Variants in DLG2 observed in about 807,000 individuals in gnomAD.
DLG2 encodes discs large MAGUK scaffold protein 2.
In DLG2, 45 loss-of-function variants were observed where a neutral mutation model predicts 132.5. That is an observed-to-expected ratio of 0.34 (90% CI 0.27 to 0.44). DLG2 has a LOEUF of 0.44. DLG2 is among the 20% of genes least tolerant of loss of function. The pLI is 1.00. For missense variants in DLG2, 1,045 were observed against 1,196.9 expected, an observed-to-expected ratio of 0.87 and a Z score of 1.87; for synonymous variants, 424 against 419.6, an observed-to-expected ratio of 1.01 and a Z score of -0.13.
At chr11:84,710,846 A>G (rs981708795) in intron 6 of DLG2, among the ~76,000 whole-genome samples, 2 of 151,294 alleles carry the variant, frequency 1.3e-5, no homozygotes, top group Admixed American at 6.6e-5. Context: ...CAAAAATATT[A>G]CCTTATTTAT....
Position 84,178,043 on chromosome 11 carries a change from G to A in DLG2, c.574-14532C>T, listed in dbSNP as rs182779194. 1.9e-3 allele frequency among the ~76,000 whole-genome samples: 286 copies of A among 152,006 alleles called. 2 individuals carry two copies. The highest frequency in any genetic ancestry group is 6.7e-3 in the African/African-American group (280 of 41,484). On this transcript the variant is annotated intron_variant, in intron 8 of 27. Coordinates refer to ENST00000376104, the MANE Select transcript of DLG2 (RefSeq NM_001142699.3). Reference sequence around the variant, plus strand: ...GCTGAATGTTAGTTAACAACTGTGAGAGCCTGTGTTATTCCAGTCTGGGGC... The same window carrying A: ...GCTGAATGTTAGTTAACAACTGTGAAAGCCTGTGTTATTCCAGTCTGGGGC...
chr11:83,749,234 T>A (rs2093141669), intron 18 of DLG2, among the ~76,000 whole-genome samples: 1 of 152,172 alleles, frequency 6.6e-6, no homozygotes, highest in South Asian at 2.1e-4. Context: ...AGAGGCAACC[T>A]TTTTGCCTTT....
intron 7 of DLG2, among the ~76,000 whole-genome samples, chr11:84,381,378 T>G (rs2098748692): frequency 2.0e-5 from 3 of 152,096 alleles, no homozygotes; most frequent in African/African-American, 7.2e-5. Flanking sequence ...AATTTCAGAA[T>G]AGTATAATGT....
chr11:84,090,966 G>C (rs1278037103), intron 10 of DLG2, among the ~76,000 whole-genome samples: 1 of 152,090 alleles, frequency 6.6e-6, no homozygotes, highest in African/African-American at 2.4e-5. Flanking sequence ...GTTAAGCGAA[G>C]TTAAACAAAA....
intron 3 of DLG2, among the ~76,000 whole-genome samples, chr11:85,481,707 G>A (rs1268240397): frequency 6.6e-6 from 1 of 152,030 alleles, no homozygotes; most frequent in African/African-American, 2.4e-5. Flanking sequence ...ACTGCCCCCA[G>A]CATCAGGCTA....
intron 17 of DLG2, among the ~76,000 whole-genome samples, chr11:83,812,444 A>G (rs1161814787): frequency 1.3e-5 from 2 of 152,128 alleles, no homozygotes; most frequent in Admixed American, 6.6e-5. Context: ...ACTGAAATCA[A>G]TAAAAATAAG....
At chr11:83,763,574 T>G (rs979006915) in intron 18 of DLG2, among the ~76,000 whole-genome samples, 1 of 152,170 alleles carries the variant, frequency 6.6e-6, no homozygotes, top group Non-Finnish European at 1.5e-5. Context: ...ACCATGTGAG[T>G]TGCAAGGAAA....
At position 85,154,727 on chromosome 11, in the gene DLG2, A is replaced by G; in HGVS notation, c.187-76T>C. 3 of 712,770 alleles carry G rather than the reference A, an allele frequency of 4.2e-6. No homozygotes were observed. In the East Asian group the frequency reaches 8.4e-5, roughly 20 times the overall value. The allele number at this position is 712,770 out of a possible 1,614,324, so 44.2% of individuals were successfully genotyped here. ...TATATTGTTTTCAAACTTTGAATATACACATTAAAATATCTAAGGCCTGAA... is the reference window on the plus strand; with the variant it reads ...TATATTGTTTTCAAACTTTGAATATGCACATTAAAATATCTAAGGCCTGAA... On this transcript the variant is annotated intron_variant, in intron 4 of 27. Coordinates refer to ENST00000376104, the MANE Select transcript of DLG2 (RefSeq NM_001142699.3).
At chr11:84,140,098 G>A (rs1419269124) in intron 9 of DLG2, among the ~76,000 whole-genome samples, 1 of 152,006 alleles carries the variant, frequency 6.6e-6, no homozygotes, top group Non-Finnish European at 1.5e-5. Context: ...GAAATTGTAT[G>A]ATATTAAAAT....
chr11:85,033,386 CAAAAAAAAAAA>C (rs750024023), intron 6 of DLG2, among the ~76,000 whole-genome samples: 1 of 80,878 alleles, frequency 1.2e-5, no homozygotes, highest in Non-Finnish European at 2.6e-5. Flanking sequence ...TATATCCTAG[CAAAAAAAAAAA>C]AAAAAAAAAA....
intron 3 of DLG2, among the ~76,000 whole-genome samples, chr11:85,395,347 G>A (rs979109418): frequency 1.3e-5 from 2 of 152,176 alleles, no homozygotes; most frequent in Admixed American, 6.5e-5. Flanking sequence ...CGAGGCAGAA[G>A]AGGGGTGGTT....
chr11:84,394,308 G>A (rs1261790478), intron 7 of DLG2, among the ~76,000 whole-genome samples: 1 of 150,932 alleles, frequency 6.6e-6, no homozygotes, highest in Non-Finnish European at 1.5e-5. Context: ...ACATTCTTTA[G>A]AGAAGTTCTG....
At chr11:84,604,928 T>C (rs1302597155) in intron 6 of DLG2, among the ~76,000 whole-genome samples, 2 of 151,982 alleles carry the variant, frequency 1.3e-5, no homozygotes, top group Non-Finnish European at 2.9e-5. Flanking sequence ...CAAGTGATAA[T>C]TATTTTTAAC....
At chr11:85,123,778 G>T (rs1485356855) in intron 5 of DLG2, among the ~76,000 whole-genome samples, 1 of 152,188 alleles carries the variant, frequency 6.6e-6, no homozygotes, top group Non-Finnish European at 1.5e-5. Context: ...TACAAAGAAA[G>T]TGATATGTGT....
intron 8 of DLG2, among the ~76,000 whole-genome samples, chr11:84,234,366 A>C (rs2097132457): frequency 6.6e-6 from 1 of 152,194 alleles, no homozygotes; most frequent in Admixed American, 6.5e-5. Context: ...TCTGCCCATC[A>C]GTTGAATTCT....
At chr11:84,972,064 A>C (rs1330045797) in intron 6 of DLG2, among the ~76,000 whole-genome samples, 1 of 152,132 alleles carries the variant, frequency 6.6e-6, no homozygotes, top group Non-Finnish European at 1.5e-5. Context: ...GAGGGGGGGA[A>C]AACATAAAAT....
At chr11:84,585,880 G>A (rs923629103) in intron 6 of DLG2, among the ~76,000 whole-genome samples, 15 of 152,238 alleles carry the variant, frequency 9.9e-5, no homozygotes, top group African/African-American at 3.1e-4. Context: ...CGTTAACGCT[G>A]TGGGCTTACA....
At chr11:84,054,898 T>A (rs2096469856) in intron 11 of DLG2, among the ~76,000 whole-genome samples, 1 of 152,018 alleles carries the variant, frequency 6.6e-6, no homozygotes. Context: ...GCATTAATAA[T>A]CTATAAAATC....
At chr11:83,798,015 C>G (rs1169758517) in intron 17 of DLG2, among the ~76,000 whole-genome samples, 1 of 152,322 alleles carries the variant, frequency 6.6e-6, no homozygotes, top group East Asian at 1.9e-4. Context: ...ATGCAGGAAG[C>G]ATGTGCTTAT....
Sources: allele counts gnomAD v4.1 joint callset (sites outside exome capture counted in the v4.1 genomes callset), GRCh38; gene constraint gnomAD v4.1.1; transcripts MANE v1.5; gene names NCBI Gene and HGNC (gene_info 2026-07-23, HGNC 2026-07-21).